Variants in SGCD observed in about 807,000 individuals in gnomAD.
SGCD encodes the protein sarcoglycan delta.
In SGCD, 18 loss-of-function variants were observed where a neutral mutation model predicts 36.6. The observed-to-expected ratio is 0.49, with a 90% CI of 0.34 to 0.73. The LOEUF is 0.73. Ranked by LOEUF, SGCD falls within the 30% of genes least tolerant of loss-of-function variation. The pLI is 0.01. For missense variants in SGCD, 387 were observed against 346.7 expected, an observed-to-expected ratio of 1.12 and a Z score of -0.92; for synonymous variants, 133 against 130.6, an observed-to-expected ratio of 1.02 and a Z score of -0.12.
chr5:155,943,221 C>G (rs2113414693), intron 1 of SGCD, among the ~76,000 whole-genome samples: 1 of 152,262 alleles, frequency 6.6e-6, no homozygotes, highest in South Asian at 2.1e-4. Flanking sequence ...ACTATGAGAA[C>G]TACACATGCT....
At chr5:156,476,662 A>G (rs959677142) in intron 3 of SGCD, among the ~76,000 whole-genome samples, 16 of 152,222 alleles carry the variant, frequency 1.1e-4, no homozygotes, top group African/African-American at 3.9e-4. Context: ...TAAATGTTGC[A>G]CACAAGGGAA....
chr5:156,145,066 C>A (rs1762678453), intron 3 of SGCD, among the ~76,000 whole-genome samples: 1 of 152,154 alleles, frequency 6.6e-6, no homozygotes, highest in African/African-American at 2.4e-5. Context: ...TCACCCAAAT[C>A]TCATGTGGAA....
chr5:156,445,853 C>G (rs767089664), intron 3 of SGCD, among the ~76,000 whole-genome samples: 2 of 152,116 alleles, frequency 1.3e-5, no homozygotes, highest in Non-Finnish European at 2.9e-5. Flanking sequence ...CACACAAACA[C>G]TGTGTTTTTA....
At chr5:156,511,694 A>T (rs1756935330) in intron 4 of SGCD, among the ~76,000 whole-genome samples, 1 of 152,182 alleles carries the variant, frequency 6.6e-6, no homozygotes, top group African/African-American at 2.4e-5. Context: ...TTTATTCCTT[A>T]TAACTGTCAT....
At chr5:156,419,685 T>C (rs1461084624) in intron 3 of SGCD, among the ~76,000 whole-genome samples, 2 of 152,058 alleles carry the variant, frequency 1.3e-5, no homozygotes, top group Non-Finnish European at 2.9e-5. Context: ...CCATTTGCAA[T>C]ATTTATTAGT....
At chr5:156,080,049 G>T (rs185850091) in intron 1 of SGCD, among the ~76,000 whole-genome samples, 106 of 152,352 alleles carry the variant, frequency 7.0e-4, no homozygotes, top group Middle Eastern at 3.4e-3. Context: ...GGCAGAGGCT[G>T]CCATGTCTCC....
intron 4 of SGCD, among the ~76,000 whole-genome samples, chr5:156,583,504 A>G (rs772770919): frequency 3.9e-5 from 6 of 152,202 alleles, no homozygotes; most frequent in Non-Finnish European, 5.9e-5. Flanking sequence ...AATGACTACA[A>G]TAATCTCCCA....
At chr5:156,440,707 G>T (rs1224915727) in intron 3 of SGCD, among the ~76,000 whole-genome samples, 1 of 152,096 alleles carries the variant, frequency 6.6e-6, no homozygotes, top group Non-Finnish European at 1.5e-5. Flanking sequence ...CCCTATTGAT[G>T]AATGATAATT....
chr5:156,056,844 G>C (rs1027311450), intron 1 of SGCD, among the ~76,000 whole-genome samples: 4 of 145,556 alleles, frequency 2.7e-5, no homozygotes, highest in Non-Finnish European at 4.6e-5. Context: ...TAACCACTGG[G>C]CATTTTTTGA....
At chr5:155,913,739 T>TA (rs138667576) in intron 1 of SGCD, among the ~76,000 whole-genome samples, 75 of 151,750 alleles carry the variant, frequency 4.9e-4, no homozygotes, top group Admixed American at 7.2e-4. Flanking sequence ...GGATTCTTTT[T>TA]AAAAAAAAAT....
chr5:156,502,144 T>C (rs1244653817), intron 3 of SGCD, among the ~76,000 whole-genome samples: 1 of 152,000 alleles, frequency 6.6e-6, no homozygotes, highest in Non-Finnish European at 1.5e-5. Context: ...CCTCCTGTGT[T>C]CACGCCATTC....
chr5:156,748,209 CTG>C (rs1307768173), intron 7 of SGCD, among the ~76,000 whole-genome samples: 1 of 152,130 alleles, frequency 6.6e-6, no homozygotes, highest in Non-Finnish European at 1.5e-5. Context: ...ATGCGTGCCT[CTG>C]GAGGGTGGTG....
chr5:156,124,631 C>G (rs1762126634), intron 3 of SGCD, among the ~76,000 whole-genome samples: 1 of 152,064 alleles, frequency 6.6e-6, no homozygotes, highest in African/African-American at 2.4e-5. Flanking sequence ...CATCCTTATA[C>G]ACATACAAAA....
intron 7 of SGCD, among the ~76,000 whole-genome samples, chr5:156,748,530 A>G (rs1757030131): frequency 6.6e-6 from 1 of 152,248 alleles, no homozygotes; most frequent in Admixed American, 6.5e-5. Context: ...TTAAGGCAGA[A>G]AGCATTACAA....
intron 1 of SGCD, among the ~76,000 whole-genome samples, chr5:156,050,447 T>C (rs1251435645): frequency 6.8e-6 from 1 of 146,902 alleles, no homozygotes; most frequent in Non-Finnish European, 1.5e-5. Context: ...AAACATAACT[T>C]TTCCATGTAC....
chr5:156,096,538 T>A (rs548928445), intron 1 of SGCD, among the ~76,000 whole-genome samples: 1 of 152,228 alleles, frequency 6.6e-6, no homozygotes, highest in Non-Finnish European at 1.5e-5. Context: ...CCCCATCTGG[T>A]GAATGGGCTG....
chr5:155,945,089 C>T (rs1757411317), intron 1 of SGCD, among the ~76,000 whole-genome samples: 1 of 152,088 alleles, frequency 6.6e-6, no homozygotes, highest in African/African-American at 2.4e-5. Context: ...AGATAAATTT[C>T]CACTTGTTTT....
intron 4 of SGCD, among the ~76,000 whole-genome samples, chr5:156,522,548 C>T (rs535694729): frequency 1.1e-4 from 16 of 151,934 alleles, no homozygotes; most frequent in African/African-American, 2.7e-4. Flanking sequence ...CATATGGACA[C>T]GGGGAGAGGA....
intron 4 of SGCD, among the ~76,000 whole-genome samples, chr5:156,553,532 T>G (rs1758881344): frequency 6.6e-6 from 1 of 152,168 alleles, no homozygotes; most frequent in East Asian, 1.9e-4. Flanking sequence ...TATTTTCTAT[T>G]TTTTACAATC....
Sources: allele counts gnomAD v4.1 joint callset (sites outside exome capture counted in the v4.1 genomes callset), GRCh38; gene constraint gnomAD v4.1.1; transcripts MANE v1.5; gene names NCBI Gene and HGNC (gene_info 2026-07-23, HGNC 2026-07-21).